The following MTERF3 variants were observed in gnomAD, a reference collection of about 807,000 sequenced individuals.
MTERF3 encodes the protein transcription termination factor 3, mitochondrial.
Under a neutral mutation model 40.5 loss-of-function variants are expected in MTERF3, and 40 were observed. That is an observed-to-expected ratio of 0.99 (90% CI 0.77 to 1.29). The LOEUF is 1.29. Ranked by LOEUF, MTERF3 falls within the 50% of genes most tolerant of loss-of-function variation. The probability of loss-of-function intolerance (pLI) is 0.00; values close to 1 mark genes in which losing one functional copy is unlikely to be tolerated. For synonymous variants in MTERF3, 158 were observed against 166.6 expected (o/e 0.95, Z 0.40); for missense variants, 452 against 478.2 (o/e 0.95, Z 0.51).
At chr8:96,256,856 C>T in intron 3 of MTERF3, 106 bp downstream of exon 3, 3 of 1,000,844 alleles carry the variant, frequency 3.0e-6, no homozygotes, top group East Asian at 6.1e-5. Flanking sequence ...TAGACTTTTG[C>T]TTATGTTTGT....
At chr8:96,254,071 A>G (rs1270694482) in intron 3 of MTERF3, among the ~76,000 whole-genome samples, 7 of 152,298 alleles carry the variant, frequency 4.6e-5, no homozygotes, top group South Asian at 2.1e-4. Context: ...AGCACCTGCC[A>G]TAAGACAGGG....
At chr8:96,258,773 C>A in intron 1 of MTERF3, 73 bp from the exon 2 acceptor site, 5 of 1,117,936 alleles carry the variant, frequency 4.5e-6, no homozygotes, top group South Asian at 1.8e-5. Flanking sequence ...GGTATTCAAA[C>A]AACAAAAAGA....
intron 4 of MTERF3, among the ~76,000 whole-genome samples, chr8:96,250,529 G>A (rs1246413971): frequency 1.4e-5 from 2 of 143,086 alleles, no homozygotes; most frequent in Non-Finnish European, 3.1e-5. Context: ...TGGCCAATGT[G>A]GCGAAACCCC....
At chr8:96,243,824 A>C (rs567194848) in intron 7 of MTERF3, 95 bp downstream of exon 7, 1 of 1,363,558 alleles carries the variant, frequency 7.3e-7, no homozygotes, top group African/African-American at 1.5e-5. Flanking sequence ...TGCAAATTGT[A>C]AACTCTTCCC....
At chr8:96,256,621 T>C (rs4734337) in intron 3 of MTERF3, among the ~76,000 whole-genome samples, 5 of 152,154 alleles carry the variant, frequency 3.3e-5, no homozygotes, top group Admixed American at 2.6e-4. Context: ...ATTAGGAGAA[T>C]TGAAAAGAAT....
chr8:96,256,730 T>A (rs371640657), intron 3 of MTERF3, among the ~76,000 whole-genome samples: 1 of 151,802 alleles, frequency 6.6e-6, no homozygotes, highest in African/African-American at 2.4e-5. Context: ...AATGAGGAGG[T>A]TGAACACAAA....
rs2030219 is a variant in MTERF3, at chr8:96,239,725, G to A, written c.1060-40C>T. 1.6e-3 allele frequency: 2,424 copies of A among 1,484,578 alleles called. 16 individuals are homozygous for A. The highest frequency in any genetic ancestry group is 0.015 in the African/African-American group (1,053 of 70,732). 92.0% of individuals were successfully genotyped at this position (1,484,578 alleles called of 1,614,324 possible). The stretch of plus-strand genomic sequence containing the variant: ...AAAGTTTTTAAAAAACACTGCACAC[G>A]GGAGGATGAAATATTAAAAAGTTTA... On this transcript the variant is annotated intron_variant, in intron 7 of 7. Transcript: ENST00000287025.
chr8:96,253,087 A>G (rs1810215552), intron 3 of MTERF3, among the ~76,000 whole-genome samples: 1 of 152,192 alleles, frequency 6.6e-6, no homozygotes, highest in Non-Finnish European at 1.5e-5. Flanking sequence ...GTAATTACGA[A>G]TATTACCATT....
In MTERF3 at chr8:96,245,852, T is replaced by C. The variant is rs1313941253; in HGVS notation, c.897+8A>G. On this transcript the variant is annotated splice_region_variant and intron_variant, in intron 6 of 7. Coordinates refer to ENST00000287025, the MANE Select transcript of MTERF3 (RefSeq NM_015942.5). ...ACTGATTTCTCAAAAAGCCTAAAGT[T>C]GTCCTACCTTCATATTTTCTTTCAC... The C allele has an allele frequency of 6.2e-7, 1 of 1,612,246 alleles. No individual in the cohort carries two copies. The highest frequency in any genetic ancestry group is 1.3e-5 in the African/African-American group (1 of 74,880).
At chr8:96,250,201 T>G (rs139051505) in intron 4 of MTERF3, among the ~76,000 whole-genome samples, 178 of 152,028 alleles carry the variant, frequency 1.2e-3, no homozygotes, top group African/African-American at 4.0e-3. Flanking sequence ...ATTAAGCAAA[T>G]TATACAGTAA....
intron 4 of MTERF3, among the ~76,000 whole-genome samples, chr8:96,249,668 A>T (rs1449396197): frequency 4.6e-5 from 7 of 152,228 alleles, no homozygotes; most frequent in African/African-American, 1.7e-4. Context: ...GTAAGGATCA[A>T]CATCAGTGTG....
intron 7 of MTERF3, among the ~76,000 whole-genome samples, chr8:96,240,908 G>C (rs994447970): frequency 6.6e-5 from 10 of 152,036 alleles, no homozygotes; most frequent in African/African-American, 2.4e-4. Context: ...ACTATGAGAA[G>C]AGTGACTAAA....
intron 3 of MTERF3, among the ~76,000 whole-genome samples, chr8:96,252,185 G>A (rs1420809740): frequency 5.3e-5 from 8 of 152,192 alleles, no homozygotes; most frequent in African/African-American, 1.9e-4. Flanking sequence ...AAATTGCCCA[G>A]TCTCGGGTAT....
At chr8:96,245,965 A>G in intron 5 of MTERF3, 34 bp from the exon 6 acceptor site, 1 of 1,574,552 alleles carries the variant, frequency 6.4e-7, no homozygotes, top group African/African-American at 1.4e-5. Flanking sequence ...TAGTATTACT[A>G]TACGTGCATC....
chr8:96,250,699 G>T (rs1456394256), intron 4 of MTERF3, among the ~76,000 whole-genome samples: 1 of 55,032 alleles, frequency 1.8e-5, no homozygotes, highest in East Asian at 4.2e-4. Flanking sequence ...GGAGGAGGGG[G>T]GGAGGGGGAG....
chr8:96,239,617 C>G lies in MTERF3; in HGVS notation c.1128G>C (p.Gln376His). The change falls in exon 8 of 8, where the codon CAG (glutamine) becomes CAC (histidine). Residue 376 changes from glutamine to histidine, a missense_variant. Physicochemically the swap from Gln to His is conservative, Grantham distance 24. Transcript: ENST00000287025. ...TGTAGTTAGGTTTTGCTGGATCATA[C>G]TGTGCTCTTCCTAAATAGGTAAGAA... ...HLFLTYLGRA[Q>H]YDPAKPNYIS... 6.2e-7 allele frequency: 1 copy of G among 1,612,134 alleles called. No individual in the cohort carries two copies. The highest frequency in any genetic ancestry group is 8.5e-7 in the Non-Finnish European group (1 of 1,179,596).
At chr8:96,255,997 GTA>G (rs1451977317) in intron 3 of MTERF3, among the ~76,000 whole-genome samples, 1 of 152,132 alleles carries the variant, frequency 6.6e-6, no homozygotes, top group African/African-American at 2.4e-5. Flanking sequence ...AAAAACTGGG[GTA>G]TTGGGTATGG....
chr8:96,257,014 T>C lies in MTERF3; in HGVS notation c.435A>G (p.Thr145=), dbSNP rs1469314657. 2 of 1,614,004 alleles carry C rather than the reference T, an allele frequency of 1.2e-6. No homozygotes were observed. Among genetic ancestry groups the C allele is most frequent in the East Asian group, 2.2e-5 (1 of 44,866 alleles). The change falls in exon 3 of 8, where the codon ACA becomes ACG. Residue 145 remains threonine, a synonymous_variant. Coordinates refer to ENST00000287025, the MANE Select transcript of MTERF3 (RefSeq NM_015942.5). ...CAGAATGATCCACATAGTCTCGAAGTGTGAATGAAGCTGGTGGCAATGGAG... is the reference window on the plus strand; with the variant it reads ...CAGAATGATCCACATAGTCTCGAAGCGTGAATGAAGCTGGTGGCAATGGAG... ...ADPPLPPASF[T]LRDYVDHSET...
rs138326685 is a variant in MTERF3, at chr8:96,254,847, A to G, written c.487+2115T>C. Among the ~76,000 whole-genome samples, 730 of 152,332 alleles carry G rather than the reference A, an allele frequency of 4.8e-3. 3 individuals carry two copies. The highest frequency in any genetic ancestry group is 0.014 in the African/African-American group (586 of 41,568). On this transcript the variant is annotated intron_variant, in intron 3 of 7. Transcript: ENST00000287025. The stretch of plus-strand genomic sequence containing the variant: ...CTGGGCACAGACAGATGAGTATACA[A>G]TTATAATAGAGTGTCATTAATGCTA...
Sources: gnomAD v4.1 joint callset for allele counts (sites outside exome capture counted in the v4.1 genomes callset) on GRCh38, gnomAD v4.1.1 for gene constraint, MANE v1.5 for transcripts, NCBI Gene and HGNC (gene_info 2026-07-23, HGNC 2026-07-21) for gene names.